The following STAU2 variants were observed in gnomAD, a reference collection of about 807,000 sequenced individuals.
STAU2 encodes the protein staufen double-stranded RNA binding protein 2.
A neutral mutation model predicts 65.9 loss-of-function variants in STAU2; 20 were observed. The observed-to-expected ratio is 0.30, with a 90% CI of 0.21 to 0.44. The LOEUF is 0.44. Among genes scored for constraint, STAU2 ranks in the 20% least tolerant of loss-of-function variants. The probability of loss-of-function intolerance (pLI) is 1.00; values close to 1 mark genes in which losing one functional copy is unlikely to be tolerated. For missense variants in STAU2, 558 were observed against 683.9 expected (o/e 0.82, Z 2.05); for synonymous variants, 232 against 233.9 (o/e 0.99, Z 0.07).
chr8:73,547,196 T>C (rs1368770097), intron 13 of STAU2, among the ~76,000 whole-genome samples: 1 of 152,254 alleles, frequency 6.6e-6, no homozygotes, highest in Non-Finnish European at 1.5e-5. Flanking sequence ...ATGTATGTGC[T>C]GGTGCATAAA....
chr8:73,564,784 T>C (rs1808480344), intron 12 of STAU2, among the ~76,000 whole-genome samples: 1 of 152,238 alleles, frequency 6.6e-6, no homozygotes, highest in Non-Finnish European at 1.5e-5. Flanking sequence ...CACTGTCTTA[T>C]GTGGAGTTCT....
intron 12 of STAU2, among the ~76,000 whole-genome samples, chr8:73,574,745 T>A (rs923518899): frequency 3.3e-5 from 5 of 151,964 alleles, no homozygotes; most frequent in Non-Finnish European, 5.9e-5. Flanking sequence ...CATCACACAC[T>A]GGGGCCTGTC....
chr8:73,588,756 C>T (rs1222384546), intron 11 of STAU2, among the ~76,000 whole-genome samples: 2 of 152,018 alleles, frequency 1.3e-5, no homozygotes, highest in African/African-American at 4.8e-5. Flanking sequence ...GACACTACAC[C>T]AGTATAAAGC....
chr8:73,737,255 C>T (rs886391245), intron 3 of STAU2, among the ~76,000 whole-genome samples: 8 of 151,910 alleles, frequency 5.3e-5, no homozygotes, highest in Non-Finnish European at 8.8e-5. Context: ...ACCGCAACCT[C>T]CGCCTCCCGG....
At chr8:73,482,119 A>G (rs1820664522) in intron 13 of STAU2, among the ~76,000 whole-genome samples, 1 of 152,192 alleles carries the variant, frequency 6.6e-6, no homozygotes, top group Admixed American at 6.5e-5. Context: ...CACACCTATT[A>G]TCTCATCTAA....
In STAU2 at chr8:73,737,763, T is replaced by C. The variant is rs1355259514; in HGVS notation, c.-18+521A>G. 3.3e-5 allele frequency among the ~76,000 whole-genome samples: 5 copies of C among 151,886 alleles called. No homozygotes were observed. The East Asian group carries it at 9.6e-4, about 29-fold the overall frequency. ...TTCTATTTGATCGGGAAAGGTAAAA[T>C]TAAATGTATAAAGTTCTTGGAGAAA... On this transcript the variant is annotated intron_variant, in intron 3 of 14. Coordinates refer to ENST00000524300, the MANE Select transcript of STAU2 (RefSeq NM_001164380.2).
intron 13 of STAU2, chr8:73,527,838 AT>A: frequency 2.1e-6 from 3 of 1,452,008 alleles, no homozygotes; most frequent in Non-Finnish European, 2.8e-6. Flanking sequence ...ACTGAACACC[AT>A]TTTCAGAGGG....
At chr8:73,551,558 G>T (rs1807333931) in intron 13 of STAU2, 2 of 987,684 alleles carry the variant, frequency 2.0e-6, no homozygotes, top group Middle Eastern at 2.8e-4. Context: ...ATCAATACTA[G>T]CAATAGAATG....
At chr8:73,704,709 G>GC (rs1440351687) in intron 4 of STAU2, among the ~76,000 whole-genome samples, 1 of 151,946 alleles carries the variant, frequency 6.6e-6, no homozygotes, top group Non-Finnish European at 1.5e-5. Flanking sequence ...TCCCTCTGTC[G>GC]CCAGGCTGGA....
At chr8:73,432,723 T>G (rs574641819) in intron 13 of STAU2, among the ~76,000 whole-genome samples, 1 of 152,346 alleles carries the variant, frequency 6.6e-6, no homozygotes, top group Admixed American at 6.5e-5. Flanking sequence ...AATTTCATTA[T>G]AGCCTGCACT....
intron 9 of STAU2, among the ~76,000 whole-genome samples, chr8:73,605,842 T>TACACAC (rs1176899097): frequency 6.7e-4 from 79 of 118,364 alleles, no homozygotes; most frequent in South Asian, 2.4e-3. Context: ...CACATACACA[T>TACACAC]ACACACACAC....
chr8:73,446,601 G>C (rs1818481090), intron 13 of STAU2, among the ~76,000 whole-genome samples: 2 of 152,032 alleles, frequency 1.3e-5, no homozygotes, highest in Non-Finnish European at 2.9e-5. Flanking sequence ...AATTAAAACT[G>C]TGCTTTTGGA....
intron 6 of STAU2, among the ~76,000 whole-genome samples, chr8:73,626,761 C>T (rs1414381317): frequency 6.6e-6 from 1 of 152,144 alleles, no homozygotes; most frequent in African/African-American, 2.4e-5. Flanking sequence ...TGCCAAGCAT[C>T]GCTGCTCATT....
At chr8:73,432,664 AG>A (rs944350085) in intron 13 of STAU2, among the ~76,000 whole-genome samples, 16 of 152,236 alleles carry the variant, frequency 1.1e-4, no homozygotes, top group Admixed American at 7.8e-4. Flanking sequence ...AAATAAAAAA[AG>A]GATTATATTG....
At chr8:73,458,721 G>C (rs1282748828) in intron 13 of STAU2, 1 of 152,230 alleles carries the variant, frequency 6.6e-6, no homozygotes, top group Non-Finnish European at 1.5e-5. Context: ...ATTCTCAAAA[G>C]AGGAAATCAG....
chr8:73,524,682 C>G (rs1165483424), intron 13 of STAU2, among the ~76,000 whole-genome samples: 1 of 152,142 alleles, frequency 6.6e-6, no homozygotes, highest in African/African-American at 2.4e-5. Context: ...AGGACCACTT[C>G]CAAATTTCAC....
intron 10 of STAU2, among the ~76,000 whole-genome samples, chr8:73,599,065 A>G (rs965092964): frequency 1.8e-4 from 27 of 152,180 alleles, no homozygotes; most frequent in Admixed American, 1.3e-4. Context: ...AAATTGACCT[A>G]AACTCAATTA....
intron 6 of STAU2, among the ~76,000 whole-genome samples, chr8:73,621,951 CTTTTTT>C (rs751349117): frequency 1.5e-5 from 2 of 129,898 alleles, no homozygotes; most frequent in South Asian, 2.5e-4. Flanking sequence ...GTCTTTCTCT[CTTTTTT>C]TTTTTTTTTT....
At chr8:73,703,970 T>G (rs1820308024) in intron 4 of STAU2, among the ~76,000 whole-genome samples, 1 of 152,186 alleles carries the variant, frequency 6.6e-6, no homozygotes. Context: ...TCTCCCATCT[T>G]TTTAGTATTT....
Sources: gnomAD v4.1 joint callset for allele counts (sites outside exome capture counted in the v4.1 genomes callset) on GRCh38, gnomAD v4.1.1 for gene constraint, MANE v1.5 for transcripts, NCBI Gene and HGNC (gene_info 2026-07-23, HGNC 2026-07-21) for gene names.